Variants in ADAMTSL1 observed in about 807,000 individuals in gnomAD.
The protein encoded by ADAMTSL1 is ADAMTS-like protein 1.
ADAMTSL1 carries 126 observed loss-of-function variants against 201.8 expected under a neutral mutation model. The ratio of observed to expected loss-of-function variants is 0.62; its 90% CI spans 0.54 to 0.72. The LOEUF is 0.72. Among genes scored for constraint, ADAMTSL1 ranks in the 30% least tolerant of loss-of-function variants. The probability of loss-of-function intolerance (pLI) is 0.00; values close to 1 mark genes in which losing one functional copy is unlikely to be tolerated. For missense variants in ADAMTSL1, 2,679 were observed against 2,277.8 expected (o/e 1.18, Z -3.59); for synonymous variants, 1,121 against 903.4 (o/e 1.24, Z -4.32).
rs1817816434 is a variant in ADAMTSL1 at position 18,397,875 on chromosome 9, T to C, written c.208-106954T>C. ...CAGATGTCTTAAGGTCATTTATCAC[T>C]GAATAAGCCTCTCTGGATTCAACTT... On this transcript the variant is annotated intron_variant, in intron 2 of 29. Transcript: ENST00000680146. 2.0e-5 allele frequency among the ~76,000 whole-genome samples: 3 copies of C among 152,326 alleles called. No individual in the cohort carries two copies. The South Asian group carries it at 6.2e-4, about 32-fold the overall frequency.
rs182481932 is a variant in ADAMTSL1 at position 18,098,532 on chromosome 9, G to A, written c.88-65330G>A. Among the ~76,000 whole-genome samples, 65 of 152,226 alleles carry A rather than the reference G, an allele frequency of 4.3e-4. 1 individual carries two copies. The highest frequency in any genetic ancestry group is 1.5e-3 in the Admixed American group (23 of 15,288). On this transcript the variant is annotated intron_variant, in intron 1 of 29. Coordinates refer to the ADAMTSL1 transcript ENST00000680146. Reference sequence around the variant, plus strand: ...TTGCATTTTCCAAATATTGTTGCTCGTCTAGAAACATGTAATTGATTTGCA... The same window carrying A: ...TTGCATTTTCCAAATATTGTTGCTCATCTAGAAACATGTAATTGATTTGCA...
intron 1 of ADAMTSL1, among the ~76,000 whole-genome samples, chr9:18,018,338 T>G (rs555248239): frequency 3.3e-5 from 5 of 152,230 alleles, no homozygotes; most frequent in African/African-American, 1.2e-4. Context: ...AGACAACCTT[T>G]AAGACTGTCT....
At chr9:18,528,609 A>G (rs1293203901) in intron 2 of ADAMTSL1, among the ~76,000 whole-genome samples, 1 of 152,160 alleles carries the variant, frequency 6.6e-6, no homozygotes, top group African/African-American at 2.4e-5. Context: ...GTCAATAATT[A>G]GTGGCCATTT....
At chr9:18,680,898 G>C (rs1385729294) in intron 11 of ADAMTSL1, 6 of 228,332 alleles carry the variant, frequency 2.6e-5, no homozygotes, top group Admixed American at 1.6e-4. Context: ...ATTATGCTTT[G>C]TATCCGAAAG....
At position 18,313,033 on chromosome 9, in the gene ADAMTSL1, G is replaced by A. The variant is rs149039568; in HGVS notation, c.207+149052G>A. On this transcript the variant is annotated intron_variant, in intron 2 of 29. Coordinates refer to the ADAMTSL1 transcript ENST00000680146. ...TTTTATACAGATCAAACTCATGACTGTGGCCTGAAATAGCTCTTTAACCAG... is the reference window on the plus strand; with the variant it reads ...TTTTATACAGATCAAACTCATGACTATGGCCTGAAATAGCTCTTTAACCAG... Among the ~76,000 whole-genome samples the A allele has an allele frequency of 8.2e-3, 1,256 of 152,294 alleles. 21 individuals are homozygous for A. Among genetic ancestry groups the A allele is most frequent in the South Asian group, 0.044 (210 of 4,804 alleles).
intron 9 of ADAMTSL1, among the ~76,000 whole-genome samples, chr9:18,668,476 A>G (rs962862473): frequency 1.2e-4 from 18 of 152,200 alleles, no homozygotes; most frequent in African/African-American, 3.9e-4. Flanking sequence ...AAAGTTTTTT[A>G]AAGTGTAATT....
intron 1 of ADAMTSL1, among the ~76,000 whole-genome samples, chr9:18,123,370 TACTC>T (rs1370695203): frequency 1.3e-5 from 2 of 152,198 alleles, no homozygotes; most frequent in Non-Finnish European, 2.9e-5. Context: ...GTGTGCCTCT[TACTC>T]ACTTATATTA....
At chr9:18,142,999 T>C (rs1261123469) in intron 1 of ADAMTSL1, among the ~76,000 whole-genome samples, 1 of 152,154 alleles carries the variant, frequency 6.6e-6, no homozygotes, top group South Asian at 2.1e-4. Flanking sequence ...TGGAATCCAG[T>C]AGGGACTCAG....
intron 13 of ADAMTSL1, among the ~76,000 whole-genome samples, chr9:18,685,464 G>A (rs556953076): frequency 6.6e-6 from 1 of 152,300 alleles, no homozygotes; most frequent in East Asian, 1.9e-4. Flanking sequence ...ACACTGATAG[G>A]CATAGCTGCT....
At chr9:18,595,908 C>G (rs1587669135) in intron 4 of ADAMTSL1, among the ~76,000 whole-genome samples, 1 of 152,192 alleles carries the variant, frequency 6.6e-6, no homozygotes, top group African/African-American at 2.4e-5. Context: ...CAAAATGACC[C>G]TCCTAGGTCA....
At chr9:18,503,846 A>C (rs1822979676) in intron 1 of ADAMTSL1, among the ~76,000 whole-genome samples, 1 of 152,188 alleles carries the variant, frequency 6.6e-6, no homozygotes, top group Non-Finnish European at 1.5e-5. Flanking sequence ...TAGTCAGTTT[A>C]ATAACCGCAC....
At chr9:18,309,955 A>G (rs1304752023) in intron 2 of ADAMTSL1, among the ~76,000 whole-genome samples, 1 of 152,178 alleles carries the variant, frequency 6.6e-6, no homozygotes, top group Non-Finnish European at 1.5e-5. Context: ...AGGCTACAGT[A>G]ACCAAACAGC....
At chr9:18,517,701 G>A (rs983166426) in intron 2 of ADAMTSL1, among the ~76,000 whole-genome samples, 11 of 152,080 alleles carry the variant, frequency 7.2e-5, no homozygotes, top group East Asian at 1.9e-4. Context: ...AGTTTACTGA[G>A]AATGATGATT....
chr9:18,761,260 C>T (rs540344279), intron 16 of ADAMTSL1, among the ~76,000 whole-genome samples: 1 of 152,182 alleles, frequency 6.6e-6, no homozygotes, highest in South Asian at 2.1e-4. Context: ...ATTAAACTAC[C>T]AAGAAGAAAC....
intron 1 of ADAMTSL1, among the ~76,000 whole-genome samples, chr9:17,979,079 C>G (rs557733616): frequency 2.2e-4 from 34 of 151,876 alleles, no homozygotes; most frequent in African/African-American, 7.2e-4. Context: ...GTGACAATCT[C>G]TTTTTTCTTG....
chr9:18,901,217 C>T (rs1829998994), intron 26 of ADAMTSL1, among the ~76,000 whole-genome samples: 2 of 151,660 alleles, frequency 1.3e-5, no homozygotes, highest in African/African-American at 4.8e-5. Context: ...TCTGGCAAAA[C>T]TGTCCTTCAA....
chr9:18,277,734 A>G (rs1832639883), intron 2 of ADAMTSL1, among the ~76,000 whole-genome samples: 1 of 152,112 alleles, frequency 6.6e-6, no homozygotes, highest in Admixed American at 6.5e-5. Flanking sequence ...CAGTCATCCT[A>G]TGTCTTTTCA....
At chr9:18,052,455 C>A (rs973315606) in intron 1 of ADAMTSL1, among the ~76,000 whole-genome samples, 1 of 152,112 alleles carries the variant, frequency 6.6e-6, no homozygotes, top group Non-Finnish European at 1.5e-5. Context: ...AGGTTCTAGG[C>A]AGAGAAACCA....
At chr9:18,614,050 A>C (rs527393523) in intron 4 of ADAMTSL1, among the ~76,000 whole-genome samples, 3 of 152,132 alleles carry the variant, frequency 2.0e-5, no homozygotes, top group African/African-American at 7.2e-5. Context: ...CAGAGGTAGC[A>C]ACTCAGGGCT....
Sources: gnomAD v4.1 joint callset for allele counts (sites outside exome capture counted in the v4.1 genomes callset) on GRCh38, gnomAD v4.1.1 for gene constraint, MANE v1.5 for transcripts, NCBI Gene and HGNC (gene_info 2026-07-23, HGNC 2026-07-21) for gene names.